TRPM1: variants seen among roughly 807,000 people sequenced by gnomAD.
TRPM1 encodes TRPM1-203 APA Isoform, Intron 10.
Under a neutral mutation model 149.4 loss-of-function variants are expected in TRPM1, and 113 were observed. The ratio of observed to expected loss-of-function variants is 0.76; its 90% CI spans 0.65 to 0.88. TRPM1 has a LOEUF of 0.88. Ranked by LOEUF, TRPM1 falls within the 40% of genes least tolerant of loss-of-function variation. The probability of loss-of-function intolerance (pLI) is 0.00; values close to 1 mark genes in which losing one functional copy is unlikely to be tolerated. For missense variants in TRPM1, 1,976 were observed against 2,038.7 expected, an observed-to-expected ratio of 0.97 and a Z score of 0.59; for synonymous variants, 741 against 759.5, an observed-to-expected ratio of 0.98 and a Z score of 0.40.
At chr15:31,024,023 C>CCA (rs2140895255) in intron 27 of TRPM1, among the ~76,000 whole-genome samples, 1 of 152,208 alleles carries the variant, frequency 6.6e-6, no homozygotes, top group Admixed American at 6.5e-5. Flanking sequence ...GGTACCCATC[C>CCA]TGTGTGAACA....
At chr15:31,121,223 C>CAAAAAAA (rs71420549) in intron 1 of TRPM1, among the ~76,000 whole-genome samples, 23 of 59,288 alleles carry the variant, frequency 3.9e-4, no homozygotes, top group Admixed American at 8.6e-4. Context: ...GACTCCATCT[C>CAAAAAAA]AAAAAAAAAA....
In TRPM1 at chr15:31,061,455, A is replaced by G. The variant is rs2034229589; in HGVS notation, c.1149T>C (p.Thr383=). 6.2e-7 allele frequency: 1 copy of G among 1,614,028 alleles called. No individual in the cohort carries two copies. The highest frequency in any genetic ancestry group is 1.7e-5 in the Admixed American group (1 of 60,008). Reference sequence around the variant, plus strand: ...CTGAGAGCTCACCTTTCAGCAGGGCAGTTAAAATTGCCATCTCGATGTCCT... The same window carrying G: ...CTGAGAGCTCACCTTTCAGCAGGGCGGTTAAAATTGCCATCTCGATGTCCT... The part of the protein sequence containing the change: ...GQQDIEMAIL[T]ALLKGTNVSA... Residue 383 remains threonine (T), a synonymous_variant, in exon 10 of 28, where the codon ACT becomes ACC. Transcript: ENST00000256552.
chr15:31,085,940 C>G (rs2034989161), intron 1 of TRPM1, among the ~76,000 whole-genome samples: 1 of 152,174 alleles, frequency 6.6e-6, no homozygotes, highest in African/African-American at 2.4e-5. Context: ...ACCCCAGGCC[C>G]AGACTGATGG....
Position 31,069,756 on chromosome 15 carries a change from G to A in TRPM1, c.279+275C>T, listed in dbSNP as rs187885826. Reference sequence around the variant, plus strand: ...TTTACTGAAGATGGAGCAATGGAGTGTGTTTGCAGGGTTGGGCCAGAGCCT... The same window carrying A: ...TTTACTGAAGATGGAGCAATGGAGTATGTTTGCAGGGTTGGGCCAGAGCCT... On this transcript the variant is annotated intron_variant, in intron 4 of 27. Coordinates refer to ENST00000256552, the MANE Select transcript of TRPM1 (RefSeq NM_001252024.2). 47 of 1,444,056 alleles carry A rather than the reference G, an allele frequency of 3.3e-5. No homozygotes were observed. In the Admixed American group the frequency reaches 8.2e-4, roughly 25 times the overall value. 89.5% of individuals were successfully genotyped at this position (1,444,056 alleles called of 1,614,324 possible). A position where few individuals can be genotyped will look rare whatever the true frequency, so the allele number is the denominator to read the frequency against.
At chr15:31,107,824 T>A (rs1245031970) in intron 1 of TRPM1, among the ~76,000 whole-genome samples, 1 of 151,998 alleles carries the variant, frequency 6.6e-6, no homozygotes, top group African/African-American at 2.4e-5. Flanking sequence ...TGTAATTTAA[T>A]GTCCACTTAC....
At chr15:31,087,284 C>T (rs979763411) in intron 1 of TRPM1, among the ~76,000 whole-genome samples, 1 of 113,678 alleles carries the variant, frequency 8.8e-6, no homozygotes, top group Non-Finnish European at 1.7e-5. Context: ...TTGCTCTGTG[C>T]CCCAGGCTGG....
At chr15:31,049,562 G>C in intron 12 of TRPM1, 53 bp from the exon 13 acceptor site, 2 of 1,607,584 alleles carry the variant, frequency 1.2e-6, no homozygotes, top group South Asian at 2.2e-5. Context: ...AGACACAGGG[G>C]AGGGGGGCGA....
At chr15:31,107,494 C>A (rs1387988618) in intron 1 of TRPM1, among the ~76,000 whole-genome samples, 3 of 152,054 alleles carry the variant, frequency 2.0e-5, no homozygotes, top group Non-Finnish European at 4.4e-5. Context: ...ATTTTGTTGA[C>A]CTTTCCAGGG....
upstream of TRPM1, among the ~76,000 whole-genome samples, chr15:31,104,523 C>G (rs145499889): frequency 6.7e-6 from 1 of 149,864 alleles, no homozygotes; most frequent in African/African-American, 2.5e-5. Flanking sequence ...GCAATGCCGG[C>G]GGACTTTGGT....
In TRPM1 at chr15:31,063,305, C is replaced by G. The variant is rs769641552; in HGVS notation, c.791-13G>C. 9 of 1,614,054 alleles carry G rather than the reference C, an allele frequency of 5.6e-6. No individual in the cohort carries two copies. The African/African-American group carries it at 1.2e-4, about 22-fold the overall frequency. On this transcript the variant is annotated splice_polypyrimidine_tract_variant and intron_variant, in intron 7 of 27. Coordinates refer to ENST00000256552, the MANE Select transcript of TRPM1 (RefSeq NM_001252024.2). The stretch of plus-strand genomic sequence containing the variant: ...CCCTGCCCCAGTCCTGCAACACAAA[C>G]CACATTCGCCCATACCACCTGTGCC...
At chr15:31,102,815 T>C (rs1323036487), upstream of TRPM1, among the ~76,000 whole-genome samples, 1 of 152,216 alleles carries the variant, frequency 6.6e-6, no homozygotes, top group Non-Finnish European at 1.5e-5. Flanking sequence ...GGTGAGTGGC[T>C]CCCACGTGCT....
At chr15:31,140,379 A>C (rs1287938152) in intron 1 of TRPM1, among the ~76,000 whole-genome samples, 1 of 139,934 alleles carries the variant, frequency 7.1e-6, no homozygotes, top group East Asian at 1.9e-4. Flanking sequence ...AATCCGTCTA[A>C]AAAAAAAAAA....
At chr15:31,088,823 G>A (rs1224438709) in intron 1 of TRPM1, among the ~76,000 whole-genome samples, 1 of 151,744 alleles carries the variant, frequency 6.6e-6, no homozygotes, top group African/African-American at 2.4e-5. Context: ...GTCAGAGGAG[G>A]CCTTTGTACC....
intron 1 of TRPM1, among the ~76,000 whole-genome samples, chr15:31,113,305 A>T (rs972824366): frequency 2.0e-5 from 3 of 152,158 alleles, no homozygotes; most frequent in South Asian, 4.1e-4. Flanking sequence ...CTCCAGGAAG[A>T]GTGCTGCCTC....
intron 11 of TRPM1, among the ~76,000 whole-genome samples, chr15:31,057,188 A>G (rs1232071291): frequency 6.6e-6 from 1 of 152,212 alleles, no homozygotes; most frequent in Non-Finnish European, 1.5e-5. Flanking sequence ...AACAATTAAG[A>G]GAATAGATAT....
At chr15:31,110,661 C>T (rs1449299029) in intron 1 of TRPM1, among the ~76,000 whole-genome samples, 1 of 152,140 alleles carries the variant, frequency 6.6e-6, no homozygotes, top group East Asian at 1.9e-4. Flanking sequence ...CTGCACCCTA[C>T]GGCTCAGGAT....
chr15:31,125,993 A>T (rs11853277), intron 1 of TRPM1, among the ~76,000 whole-genome samples: 4,911 of 147,940 alleles, frequency 0.033, 254 homozygotes, highest in African/African-American at 0.11. Flanking sequence ...ATAGCCGGGC[A>T]TGGTGGCGGG....
chr15:31,158,040 T>G (rs976772677), intron 1 of TRPM1, among the ~76,000 whole-genome samples: 3 of 152,166 alleles, frequency 2.0e-5, no homozygotes, highest in African/African-American at 7.2e-5. Flanking sequence ...GCTCATGTGA[T>G]TTCACGGCTG....
chr15:31,116,886 T>C (rs1259846181), intron 1 of TRPM1, among the ~76,000 whole-genome samples: 1 of 152,170 alleles, frequency 6.6e-6, no homozygotes, highest in Non-Finnish European at 1.5e-5. Context: ...TTACCTCACT[T>C]CTTCTTATGC....
Sources: allele counts gnomAD v4.1 joint callset (sites outside exome capture counted in the v4.1 genomes callset), GRCh38; gene constraint gnomAD v4.1.1; transcripts MANE v1.5; gene names NCBI Gene and HGNC (gene_info 2026-07-23, HGNC 2026-07-21).